The following GLDN variants were observed in gnomAD, a reference collection of about 807,000 sequenced individuals.
GLDN encodes gliomedin.
In GLDN, 47 loss-of-function variants were observed where a neutral mutation model predicts 56.5. The observed-to-expected ratio is 0.83, with a 90% CI of 0.66 to 1.06. GLDN has a LOEUF of 1.06. GLDN is among the 50% of genes least tolerant of loss of function. The pLI is 0.00. For missense variants in GLDN, 782 were observed against 714.3 expected, an observed-to-expected ratio of 1.09 and a Z score of -1.08; for synonymous variants, 332 against 278.8, an observed-to-expected ratio of 1.19 and a Z score of -1.90.
chr15:51,369,085 A>G (rs928932703), intron 1 of GLDN: 1 of 152,192 alleles, frequency 6.6e-6, no homozygotes, highest in African/African-American at 2.4e-5. Context: ...CCTTTCCCAG[A>G]AATGAGTCCA....
At chr15:51,355,018 G>A (rs1472415165) in intron 1 of GLDN, among the ~76,000 whole-genome samples, 1 of 152,172 alleles carries the variant, frequency 6.6e-6, no homozygotes, top group Non-Finnish European at 1.5e-5. Context: ...AATTAATTTT[G>A]CTAACTAATT....
intron 1 of GLDN, among the ~76,000 whole-genome samples, chr15:51,358,775 TGAA>T (rs1473417609): frequency 6.6e-5 from 10 of 152,138 alleles, no homozygotes; most frequent in African/African-American, 1.9e-4. Context: ...CCTCAAATGC[TGAA>T]GAAGAAGTGA....
chr15:51,370,807 C>T (rs1399888250), intron 1 of GLDN, among the ~76,000 whole-genome samples: 2 of 152,076 alleles, frequency 1.3e-5, no homozygotes, highest in African/African-American at 4.8e-5. Flanking sequence ...GCCTGGCCAA[C>T]ATGGTGAAAT....
chr15:51,348,553 T>G (rs896443351), intron 1 of GLDN, among the ~76,000 whole-genome samples: 7 of 152,088 alleles, frequency 4.6e-5, no homozygotes, highest in African/African-American at 1.7e-4. Flanking sequence ...AGGCTGGTCT[T>G]GAACTGCTGG....
At position 51,404,299 on chromosome 15, in the gene GLDN, TC is replaced by T; in HGVS notation, c.1204del (p.Gln402LysfsTer3). The part of the protein sequence containing the change: ...LVRFEFGQET[S>X]QTLKLENALY... ...CAGATTTGAATTTGGCCAGGAAACA[TC>T]CCAAACTCTGAAGCTTGAAAATGCC... is the stretch of plus-strand genomic sequence containing the variant. On this transcript the variant is annotated frameshift_variant, in exon 10 of 10. Transcript: ENST00000335449. LOFTEE classifies it high-confidence loss of function. 1 of 1,598,618 alleles carries T rather than the reference TC, an allele frequency of 6.3e-7. No individual in the cohort carries two copies. Among genetic ancestry groups the T allele is most frequent in the Non-Finnish European group, 8.5e-7 (1 of 1,173,586 alleles).
At chr15:51,394,387 C>T (rs776402501) in intron 4 of GLDN, among the ~76,000 whole-genome samples, 1 of 152,062 alleles carries the variant, frequency 6.6e-6, no homozygotes, top group South Asian at 2.1e-4. Flanking sequence ...CCGAGGCAGG[C>T]GGATCACCTG....
chr15:51,408,876 G>A (rs1373470424), downstream of GLDN, among the ~76,000 whole-genome samples: 1 of 151,828 alleles, frequency 6.6e-6, no homozygotes, highest in Admixed American at 6.6e-5. Flanking sequence ...CTTTTTTATG[G>A]CTGCATAGTA....
In GLDN at chr15:51,404,568, G is replaced by A. The variant is rs774473034; in HGVS notation, c.1470G>A (p.Met490Ile). The A allele has an allele frequency of 1.3e-5, 21 of 1,614,042 alleles. No homozygotes were observed. In the South Asian group the frequency reaches 2.1e-4, roughly 16 times the overall value. ...GILYVTDTKD[M>I]RVTFAFDLLG... ...TCTATGTCACAGACACCAAAGATAT[G>A]AGGGTCACATTTGCCTTTGATTTGT... The change falls in exon 10 of 10, where the codon ATG (methionine) becomes ATA (isoleucine). Residue 490 changes from methionine to isoleucine, a missense_variant. Physicochemically the swap from Met to Ile is conservative, Grantham distance 10. Transcript: ENST00000335449.
chr15:51,370,779 G>A (rs1329797363), intron 1 of GLDN, among the ~76,000 whole-genome samples: 1 of 152,160 alleles, frequency 6.6e-6, no homozygotes, highest in Non-Finnish European at 1.5e-5. Context: ...ATCACCTGAG[G>A]TCAGGAGTTC....
intron 1 of GLDN, among the ~76,000 whole-genome samples, chr15:51,359,456 A>C (rs1027719742): frequency 6.6e-6 from 1 of 152,206 alleles, no homozygotes; most frequent in Non-Finnish European, 1.5e-5. Context: ...ATCAGAAGAA[A>C]GGGAACAATT....
At chr15:51,352,861 T>C (rs1047986599) in intron 1 of GLDN, among the ~76,000 whole-genome samples, 2 of 152,240 alleles carry the variant, frequency 1.3e-5, no homozygotes, top group Non-Finnish European at 2.9e-5. Context: ...ATAGTTTAAC[T>C]GTTTAACAAC....
chr15:51,355,978 C>T (rs564027072), intron 1 of GLDN, among the ~76,000 whole-genome samples: 6,154 of 148,232 alleles, frequency 0.042, 166 homozygotes, highest in South Asian at 0.068. Flanking sequence ...GAGGCCAAGG[C>T]GGGCGGATCA....
chr15:51,406,844 C>G lies in GLDN; in HGVS notation c.*2090C>G, dbSNP rs976009287. The G allele has an allele frequency of 1.3e-5, 2 of 152,172 alleles. No homozygotes were observed. The highest frequency in any genetic ancestry group is 4.8e-5 in the African/African-American group (2 of 41,426). 9.4% of individuals were successfully genotyped at this position (152,172 alleles called of 1,614,324 possible). On this transcript the variant is annotated 3_prime_UTR_variant, in exon 10 of 10. Transcript: ENST00000335449. ...AAAATACTCTTTTCAGATTCACGTTCTCTAACAAAGAGTCTCATGTTCAAG... is the reference window on the plus strand; with the variant it reads ...AAAATACTCTTTTCAGATTCACGTTGTCTAACAAAGAGTCTCATGTTCAAG...
At chr15:51,372,436 T>C (rs190702691) in intron 1 of GLDN, among the ~76,000 whole-genome samples, 2 of 152,298 alleles carry the variant, frequency 1.3e-5, no homozygotes, top group Admixed American at 6.5e-5. Context: ...ATGGGCCCCA[T>C]TGTTTCTTCT....
At chr15:51,352,848 C>A (rs1484934243) in intron 1 of GLDN, among the ~76,000 whole-genome samples, 1 of 152,188 alleles carries the variant, frequency 6.6e-6, no homozygotes. Flanking sequence ...TTGGAAGGAA[C>A]TTATAGTTTA....
At chr15:51,390,903 C>G (rs1480947219) in intron 4 of GLDN, among the ~76,000 whole-genome samples, 1 of 152,212 alleles carries the variant, frequency 6.6e-6, no homozygotes, top group African/African-American at 2.4e-5. Context: ...CATAGTGTCA[C>G]TGTGCACGGC....
At chr15:51,375,968 C>T (rs1161543060) in intron 1 of GLDN, among the ~76,000 whole-genome samples, 1 of 152,146 alleles carries the variant, frequency 6.6e-6, no homozygotes, top group African/African-American at 2.4e-5. Context: ...TTGGCAATTC[C>T]CTCGTCATCC....
chr15:51,408,952 TC>T (rs1481030195), downstream of GLDN, among the ~76,000 whole-genome samples: 19 of 151,762 alleles, frequency 1.3e-4, no homozygotes, highest in African/African-American at 4.6e-4. Flanking sequence ...TTGGGTTGGT[TC>T]CAAGTCTTTG....
In GLDN at chr15:51,404,495, C is replaced by T. The variant is rs180954449; in HGVS notation, c.1397C>T (p.Thr466Met). The T allele has an allele frequency of 3.9e-4, 625 of 1,614,150 alleles. No individual in the cohort carries two copies. Among genetic ancestry groups the T allele is most frequent in the Non-Finnish European group, 4.8e-4 (567 of 1,180,012 alleles). Reference sequence around the variant, plus strand: ...TCAGTGGTGCAACACGTCAATACCACGTACCCTAAATCCAAGGCTGGCAAC... The same window carrying T: ...TCAGTGGTGCAACACGTCAATACCATGTACCCTAAATCCAAGGCTGGCAAC... The part of the protein sequence containing the change: ...TFSVVQHVNT[T>M]YPKSKAGNAF... The change falls in exon 10 of 10, where the codon ACG (threonine) becomes ATG (methionine). Residue 466 changes from threonine to methionine, a missense_variant. Transcript: ENST00000335449.
Sources: allele counts gnomAD v4.1 joint callset (sites outside exome capture counted in the v4.1 genomes callset), GRCh38; gene constraint gnomAD v4.1.1; transcripts MANE v1.5; gene names NCBI Gene and HGNC (gene_info 2026-07-23, HGNC 2026-07-21).